PCDH12: variants seen among roughly 807,000 people sequenced by gnomAD.
PCDH12 encodes the protein protocadherin-12.
PCDH12 carries 45 observed loss-of-function variants against 70.9 expected under a neutral mutation model. That is an observed-to-expected ratio of 0.63 (90% CI 0.50 to 0.81). The LOEUF (loss-of-function observed/expected upper bound fraction) is 0.81. PCDH12 is among the 40% of genes least tolerant of loss of function. PCDH12 has a pLI of 0.00. For synonymous variants in PCDH12, 567 were observed against 626.0 expected (o/e 0.91, Z 1.41); for missense variants, 1,370 against 1,491.7 (o/e 0.92, Z 1.34).
chr5:141,953,759 T>C (rs1753128108), intron 1 of PCDH12, among the ~76,000 whole-genome samples: 1 of 152,252 alleles, frequency 6.6e-6, no homozygotes, highest in Non-Finnish European at 1.5e-5. Context: ...TGGCAGCCTC[T>C]GGGTCTGCAC....
Position 141,955,850 on chromosome 5 carries a change from C to T in PCDH12, c.2002G>A (p.Gly668Arg). Reference sequence around the variant, plus strand: ...ACTATCTCCAGCTCCCACTCACTCCCAATGAGGCTGCTGGCATTGGTGACA... The same window carrying T: ...ACTATCTCCAGCTCCCACTCACTCCTAATGAGGCTGCTGGCATTGGTGACA... ...VNVTNASSLI[G>R]SEWELEIVVE... Residue 668 changes from glycine (G) to arginine (R), a missense_variant, in exon 1 of 4, where the codon GGG (glycine) becomes AGG (arginine). By Grantham distance (125) the Gly-to-Arg change is moderately radical. Transcript: ENST00000231484. This position sits in a 1 kb window ranked among gnomAD's most constrained non-coding sequence, Gnocchi z 5.5. 1.2e-6 allele frequency: 2 copies of T among 1,614,160 alleles called. No individual in the cohort carries two copies. The highest frequency in any genetic ancestry group is 1.7e-6 in the Non-Finnish European group (2 of 1,180,020).
At chr5:141,954,189 T>C (rs1753137734) in intron 1 of PCDH12, among the ~76,000 whole-genome samples, 3 of 152,188 alleles carry the variant, frequency 2.0e-5, no homozygotes, top group African/African-American at 7.2e-5. Context: ...TGTGTTGAAA[T>C]CTGAACTCCA....
At chr5:141,952,807 A>G (rs986698148) in intron 1 of PCDH12, 2 of 152,254 alleles carry the variant, frequency 1.3e-5, no homozygotes, top group African/African-American at 4.8e-5. Context: ...CCTCTGCAAA[A>G]GCAAGGAGTT....
In PCDH12 at chr5:141,956,806, A is replaced by G; in HGVS notation, c.1046T>C (p.Ile349Thr). 1 of 1,614,232 alleles carries G rather than the reference A, an allele frequency of 6.2e-7. No individual in the cohort carries two copies. Among genetic ancestry groups the G allele is most frequent in the Non-Finnish European group, 8.5e-7 (1 of 1,180,044 alleles). The change falls in exon 1 of 4, where the codon ATC becomes ACC. Residue 349 changes from isoleucine to threonine, a missense_variant. Transcript: ENST00000231484. ...LIKVLDVNDN[I>T]PSIHVTWASQ... Reference sequence around the variant, plus strand: ...GGCCCATGTGACGTGGATGCTTGGGATGTTGTCATTGACATCCAGAACCTT... The same window carrying G: ...GGCCCATGTGACGTGGATGCTTGGGGTGTTGTCATTGACATCCAGAACCTT...
intron 2 of PCDH12, among the ~76,000 whole-genome samples, 195 bp from the exon 3 acceptor site, chr5:141,949,778 A>G (rs140418217): frequency 3.0e-4 from 43 of 145,040 alleles, no homozygotes; most frequent in African/African-American, 9.8e-4. Context: ...AAATGAGAGT[A>G]ATAAATAACA....
chr5:141,945,552 G>A lies in PCDH12; in HGVS notation c.3384C>T (p.Pro1128=), dbSNP rs570831676. Residue 1128 remains proline (P), a synonymous_variant, in exon 4 of 4, where the codon CCC becomes CCT. Coordinates refer to ENST00000231484, the MANE Select transcript of PCDH12 (RefSeq NM_016580.4). ...GCAGCGCCTCGGAGGCGGCCTCCAC[G>A]GGCATGCTGGAGCGCTGTTCCAGCA... ...EMLLEQRSSM[P]VEAASEALRR... 13 of 1,613,918 alleles carry A rather than the reference G, an allele frequency of 8.1e-6. No individual in the cohort carries two copies. Among genetic ancestry groups the A allele is most frequent in the Middle Eastern group, 1.6e-4 (1 of 6,062 alleles).
chr5:141,949,618 C>T (rs776629645), intron 2 of PCDH12, 35 bp from the exon 3 acceptor site: 2 of 1,603,322 alleles, frequency 1.2e-6, no homozygotes, highest in South Asian at 1.1e-5. Flanking sequence ...TGGGTAGGGA[C>T]ATTCCCATAT....
intron 2 of PCDH12, among the ~76,000 whole-genome samples, chr5:141,950,978 C>T (rs1013985427): frequency 6.6e-6 from 1 of 152,190 alleles, no homozygotes; most frequent in Non-Finnish European, 1.5e-5. Context: ...CTCAAGTTTA[C>T]ATAGCTGGTT....
Position 141,956,694 on chromosome 5 carries a change from A to G in PCDH12, c.1158T>C (p.Asn386=). Residue 386 remains asparagine (N), a synonymous_variant, in exon 1 of 4, where the codon AAT becomes AAC. Coordinates refer to ENST00000231484, the MANE Select transcript of PCDH12 (RefSeq NM_016580.4). ...GGCTCAGCCAGCAGTGGACCAAACC[A>G]TTGTGTCCTGAATCCAAGTCATCTG... is the stretch of plus-strand genomic sequence containing the variant. The part of the protein sequence containing the change: ...VMADDLDSGH[N]GLVHCWLSQE... The G allele has an allele frequency of 1.2e-6, 2 of 1,614,236 alleles. No individual in the cohort carries two copies. Among genetic ancestry groups the G allele is most frequent in the African/African-American group, 2.7e-5 (2 of 75,056 alleles).
chr5:141,956,407 A>C lies in PCDH12; in HGVS notation c.1445T>G (p.Ile482Ser), dbSNP rs1164127528. The stretch of plus-strand genomic sequence containing the variant: ...GCCCAAGTCTGCATCATGAGCCTTG[A>C]TGGTAATGAGGTGAAGAGAGGGTAA... ...NNLPSLHLIT[I>S]KAHDADLGIN... The change falls in exon 1 of 4, where the codon ATC becomes AGC. Residue 482 changes from isoleucine (I) to serine (S), a missense_variant. Coordinates refer to ENST00000231484, the MANE Select transcript of PCDH12 (RefSeq NM_016580.4). 2 of 1,614,058 alleles carry C rather than the reference A, an allele frequency of 1.2e-6. No individual in the cohort carries two copies. Among genetic ancestry groups the C allele is most frequent in the Non-Finnish European group, 1.7e-6 (2 of 1,180,038 alleles).
intron 1 of PCDH12, among the ~76,000 whole-genome samples, chr5:141,953,980 C>G (rs1753132691): frequency 6.6e-6 from 1 of 152,208 alleles, no homozygotes; most frequent in South Asian, 2.1e-4. Flanking sequence ...CAGGCATCAT[C>G]CCTGGAAAGG....
Position 141,949,510 on chromosome 5 carries a change from G to C in PCDH12, c.3052C>G (p.Pro1018Ala), listed in dbSNP as rs372295206. ...GAGAGGTCCTCTTCAGGATCCAAAG[G>C]CCCTTCCTCCTGTTCTGGGTCTGTC... ...GQTDPEQEEG[P>A]LDPEEDLSVK... is the part of the protein sequence containing the mutation. The change falls in exon 3 of 4, where the codon CCT (proline) becomes GCT (alanine). Residue 1018 changes from proline (P) to alanine (A), a missense_variant. Physicochemically the swap from Pro to Ala is conservative, Grantham distance 27. Coordinates refer to ENST00000231484, the MANE Select transcript of PCDH12 (RefSeq NM_016580.4). 1.3e-5 allele frequency: 21 copies of C among 1,614,124 alleles called. No homozygotes were observed. The South Asian group carries it at 2.3e-4, about 18-fold the overall frequency.
chr5:141,945,895 GGACAAA>G, intron 3 of PCDH12, 90 bp from the exon 4 acceptor site: 1 of 1,162,638 alleles, frequency 8.6e-7, no homozygotes, highest in South Asian at 1.4e-5. Context: ...CAAGGGCAGT[GGACAAA>G]GGAGGGAAGG....
rs767479749 is a variant in PCDH12 at position 141,945,558 on chromosome 5, G to A, written c.3378C>T (p.Ser1126=). 6.2e-7 allele frequency: 1 copy of A among 1,613,982 alleles called. No individual in the cohort carries two copies. The highest frequency in any genetic ancestry group is 2.2e-5 in the East Asian group (1 of 44,884). Residue 1126 remains serine, a synonymous_variant, in exon 4 of 4, where the codon AGC becomes AGT. Transcript: ENST00000231484. The part of the protein sequence containing the change: ...LLEMLLEQRS[S]MPVEAASEAL... ...CCTCGGAGGCGGCCTCCACGGGCAT[G>A]CTGGAGCGCTGTTCCAGCAGCATCT... is the stretch of plus-strand genomic sequence containing the variant.
intron 2 of PCDH12, 47 bp downstream of exon 2, chr5:141,951,446 G>A (rs754679267): frequency 2.5e-5 from 35 of 1,394,284 alleles, no homozygotes; most frequent in East Asian, 1.1e-4. Context: ...GATGAGGGGC[G>A]GCCAGTAGGG....
Position 141,956,884 on chromosome 5 carries a change from T to C in PCDH12, c.968A>G (p.Gln323Arg). Residue 323 changes from glutamine to arginine, a missense_variant, in exon 1 of 4, where the codon CAG (glutamine) becomes CGG (arginine). Physicochemically the swap from Gln to Arg is conservative, Grantham distance 43. Coordinates refer to ENST00000231484, the MANE Select transcript of PCDH12 (RefSeq NM_016580.4). ...AGGATTGGGACCCAGGTCCCTTGCC[T>C]GAACATCCACCTCGTAGGCAGGGTT... is the stretch of plus-strand genomic sequence containing the variant. ...EKNPAYEVDV[Q>R]ARDLGPNPIP... is the part of the protein sequence containing the mutation. 6.2e-7 allele frequency: 1 copy of C among 1,614,238 alleles called. No homozygotes were observed. Among genetic ancestry groups the C allele is most frequent in the Admixed American group, 1.7e-5 (1 of 60,032 alleles).
Position 141,956,612 on chromosome 5 carries a change from T to C in PCDH12, c.1240A>G (p.Thr414Ala). The C allele has an allele frequency of 6.2e-7, 1 of 1,614,212 alleles. No individual in the cohort carries two copies. The highest frequency in any genetic ancestry group is 8.5e-7 in the Non-Finnish European group (1 of 1,180,042). ...RTNGNTYMLLTNATLDREQWP... is the reference protein window; with the variant it reads ...RTNGNTYMLLANATLDREQWP... ...TGCTCTCTGTCCAGTGTGGCATTGG[T>C]TAGCAACATGTATGTGTTGCCATTA... The change falls in exon 1 of 4, where the codon ACC becomes GCC. Residue 414 changes from threonine to alanine, a missense_variant. Coordinates refer to ENST00000231484, the MANE Select transcript of PCDH12 (RefSeq NM_016580.4).
chr5:141,956,306 C>T lies in PCDH12; in HGVS notation c.1546G>A (p.Glu516Lys), dbSNP rs1378255812. The change falls in exon 1 of 4, where the codon GAG (glutamate) becomes AAG (lysine). Residue 516 changes from glutamate to lysine, a missense_variant. Glu to Lys is a moderately conservative substitution (Grantham distance 56). Transcript: ENST00000231484. ...HLVAIDSNTG[E>K]VTAQRSLNYE... is the part of the protein sequence containing the mutation. Reference sequence around the variant, plus strand: ...TTCAGTGACCTCTGAGCAGTGACCTCTCCTGTGTTGGAGTCAATAGCTACT... The same window carrying T: ...TTCAGTGACCTCTGAGCAGTGACCTTTCCTGTGTTGGAGTCAATAGCTACT... 3.7e-6 allele frequency: 6 copies of T among 1,614,080 alleles called. No individual in the cohort carries two copies. Among genetic ancestry groups the T allele is most frequent in the African/African-American group, 1.3e-5 (1 of 74,924 alleles).
Position 141,957,344 on chromosome 5 carries a change from G to A in PCDH12, c.508C>T (p.His170Tyr). The A allele has an allele frequency of 6.2e-7, 1 of 1,613,726 alleles. No homozygotes were observed. The highest frequency in any genetic ancestry group is 8.5e-7 in the Non-Finnish European group (1 of 1,179,802). The change falls in exon 1 of 4, where the codon CAC becomes TAC. Residue 170 changes from histidine (H) to tyrosine (Y), a missense_variant. Physicochemically the swap from His to Tyr is moderately conservative, Grantham distance 83 (BLOSUM62 2). Transcript: ENST00000231484. The surrounding 1 kb of genome is among the most constrained non-coding windows in gnomAD (Gnocchi z 4.3). ...TCACTGGGAGACAGAGTGTAGGTGT[G>A]CAGGGTGTTAGGGCCTGTGTCTGGG... ...LDPDTGPNTL[H>Y]TYTLSPSEHF...
Sources: gnomAD v4.1 joint callset for allele counts (sites outside exome capture counted in the v4.1 genomes callset) on GRCh38, gnomAD v4.1.1 for gene constraint, Gnocchi (gnomAD v3.1) non-coding constraint, MANE v1.5 for transcripts, NCBI Gene and HGNC (gene_info 2026-07-23, HGNC 2026-07-21) for gene names.